The following ZBTB43 variants were observed in gnomAD, a reference collection of about 807,000 sequenced individuals.
The protein encoded by ZBTB43 is zinc finger and BTB domain-containing protein 43.
Under a neutral mutation model 31.1 loss-of-function variants are expected in ZBTB43, and 6 were observed. The ratio of observed to expected loss-of-function variants is 0.19; its 90% CI spans 0.11 to 0.38. The LOEUF (loss-of-function observed/expected upper bound fraction) is 0.38. Among genes scored for constraint, ZBTB43 ranks in the 10% least tolerant of loss-of-function variants. ZBTB43 has a pLI of 1.00. For missense variants in ZBTB43, 379 were observed against 602.1 expected (o/e 0.63, Z 3.88); for synonymous variants, 212 against 221.7 (o/e 0.96, Z 0.39).
chr9:126,832,918 G>A lies in ZBTB43; in HGVS notation c.409G>A (p.Gly137Ser). Reference protein sequence around the residue: ...PTVLCQKLNHGSDHQSPSSSS... With the variant: ...PTVLCQKLNHSSDHQSPSSSS... ...AGTCCTTTGTCAGAAGCTAAATCAT[G>A]GCAGTGACCACCAGTCACCAAGCAG... is the stretch of plus-strand genomic sequence containing the variant. Residue 137 changes from glycine (G) to serine (S), a missense_variant, in exon 3 of 3, where the codon GGC (glycine) becomes AGC (serine). By Grantham distance (56) the Gly-to-Ser change is moderately conservative. Transcript: ENST00000373464. 6.2e-7 allele frequency: 1 copy of A among 1,613,874 alleles called. No individual in the cohort carries two copies. The highest frequency in any genetic ancestry group is 8.5e-7 in the Non-Finnish European group (1 of 1,180,026).
intron 2 of ZBTB43, chr9:126,831,794 T>C (rs1306473531): frequency 2.0e-5 from 3 of 146,994 alleles, no homozygotes; most frequent in Admixed American, 2.0e-4. Flanking sequence ...CTACTAAAAA[T>C]ACAAAAAAAA....
chr9:126,817,486 T>C (rs1157690587), intron 2 of ZBTB43, among the ~76,000 whole-genome samples: 1 of 150,626 alleles, frequency 6.6e-6, no homozygotes, highest in Non-Finnish European at 1.5e-5. Flanking sequence ...AGTTTTTTTT[T>C]TTTTTTTGAG....
rs544786077 is a variant in ZBTB43 at position 126,835,196 on chromosome 9, A to G, written c.*1283A>G. 1 of 167,192 alleles carries G rather than the reference A, an allele frequency of 6.0e-6. No individual in the cohort carries two copies. The highest frequency in any genetic ancestry group is 2.4e-5 in the African/African-American group (1 of 41,582). The allele number at this position is 167,192 out of a possible 1,614,324, so 10.4% of individuals were successfully genotyped here. ...ATAGATAAAGCTGCTTAAACTTAAA[A>G]GTCCACAAAGCTACGCCGACCAGAA... On this transcript the variant is annotated 3_prime_UTR_variant, in exon 3 of 3. Transcript: ENST00000373464.
intron 2 of ZBTB43, among the ~76,000 whole-genome samples, chr9:126,824,857 G>A (rs964028906): frequency 2.6e-5 from 4 of 152,142 alleles, no homozygotes; most frequent in African/African-American, 9.7e-5. Context: ...TTGTTTTTCA[G>A]CCCTTTTCTG....
chr9:126,814,328 GTAAATTTTACATCTGTAAAAAT>G (rs2032323722), intron 2 of ZBTB43, among the ~76,000 whole-genome samples: 36 of 4,982 alleles, frequency 7.2e-3, no homozygotes, highest in Admixed American at 0.015. Flanking sequence ...TCTGTAAAAT[GTAAATTTTACATCTGTAAAAAT>G]TTTACAGATG....
intron 2 of ZBTB43, among the ~76,000 whole-genome samples, chr9:126,812,548 A>G (rs1588352934): frequency 6.6e-6 from 1 of 152,208 alleles, no homozygotes; most frequent in South Asian, 2.1e-4. Flanking sequence ...TATGGAGGTT[A>G]TAATACCTAC....
intron 2 of ZBTB43, among the ~76,000 whole-genome samples, chr9:126,823,408 A>G (rs781163137): frequency 4.6e-5 from 7 of 152,196 alleles, no homozygotes; most frequent in Non-Finnish European, 7.3e-5. Flanking sequence ...ATCATTTCTA[A>G]TAATATAGCC....
At chr9:126,813,961 G>A (rs1180773798) in intron 2 of ZBTB43, among the ~76,000 whole-genome samples, 2 of 152,088 alleles carry the variant, frequency 1.3e-5, no homozygotes, top group Non-Finnish European at 2.9e-5. Flanking sequence ...GATGTTCTCT[G>A]TAGCCACGTA....
At chr9:126,809,260 A>G (rs748121643) in intron 2 of ZBTB43, among the ~76,000 whole-genome samples, 6 of 152,206 alleles carry the variant, frequency 3.9e-5, no homozygotes, top group South Asian at 2.1e-4. Flanking sequence ...CAGTTTACTC[A>G]TATTTCAAAA....
At position 126,836,599 on chromosome 9, in the gene ZBTB43, G is replaced by A. The variant is rs1462111044; in HGVS notation, c.*2686G>A. The A allele has an allele frequency of 1.9e-4, 32 of 167,052 alleles. No individual in the cohort carries two copies. In the Admixed American group the frequency reaches 2.1e-3, roughly 11 times the overall value. The allele number at this position is 167,052 out of a possible 1,614,324, so 10.3% of individuals were successfully genotyped here. A position where few individuals can be genotyped will look rare whatever the true frequency, so the allele number is the denominator to read the frequency against. On this transcript the variant is annotated 3_prime_UTR_variant, in exon 3 of 3. Coordinates refer to ENST00000373464, the MANE Select transcript of ZBTB43 (RefSeq NM_014007.4). ...ATCCCCACGTTGAGTTGGAGGAATAGTCTCTTCTCTTCACCTCAATATAGC... is the reference window on the plus strand; with the variant it reads ...ATCCCCACGTTGAGTTGGAGGAATAATCTCTTCTCTTCACCTCAATATAGC...
At chr9:126,827,391 C>T (rs2032664918) in intron 2 of ZBTB43, among the ~76,000 whole-genome samples, 1 of 152,218 alleles carries the variant, frequency 6.6e-6, no homozygotes, top group Non-Finnish European at 1.5e-5. Flanking sequence ...CCACCCCCTC[C>T]TCTTGTATGA....
intron 2 of ZBTB43, among the ~76,000 whole-genome samples, chr9:126,811,331 A>T (rs1165220581): frequency 1.3e-5 from 2 of 151,904 alleles, no homozygotes; most frequent in Admixed American, 1.3e-4. Context: ...ACTGCTTACC[A>T]GTTATATGAC....
intron 2 of ZBTB43, among the ~76,000 whole-genome samples, chr9:126,827,833 C>A (rs185073665): frequency 1.3e-5 from 2 of 152,128 alleles, no homozygotes; most frequent in East Asian, 3.9e-4. Context: ...CATGGTGAAA[C>A]CCCATCTACA....
chr9:126,837,743 T>C lies in ZBTB43; in HGVS notation c.*3830T>C, dbSNP rs1341403912. On this transcript the variant is annotated 3_prime_UTR_variant, in exon 3 of 3. Coordinates refer to ENST00000373464, the MANE Select transcript of ZBTB43 (RefSeq NM_014007.4). ...AGGGTTTGTTTGGGGTTTTTTTCTT[T>C]GCTACTTACATATTTAAAGGTACAA... The C allele has an allele frequency of 6.0e-6, 1 of 167,108 alleles. No individual in the cohort carries two copies. Among genetic ancestry groups the C allele is most frequent in the East Asian group, 1.9e-4 (1 of 5,208 alleles). The allele number at this position is 167,108 out of a possible 1,614,324, so 10.4% of individuals were successfully genotyped here. A position where few individuals can be genotyped will look rare whatever the true frequency, so the allele number is the denominator to read the frequency against.
Position 126,808,018 on chromosome 9 carries a change from AT to A in ZBTB43, c.-146-774del, listed in dbSNP as rs375979661. Among the ~76,000 whole-genome samples the A allele has an allele frequency of 2.5e-3, 380 of 152,276 alleles. 1 individual carries two copies. The highest frequency in any genetic ancestry group is 8.8e-3 in the African/African-American group (365 of 41,548). On this transcript the variant is annotated intron_variant, in intron 1 of 2. Coordinates refer to ENST00000373464, the MANE Select transcript of ZBTB43 (RefSeq NM_014007.4). ...TTATTTGTAACATATTGAGGAAAAA[AT>A]ATTTTTTAAAATTTGTCGATATGTT...
At chr9:126,827,247 A>G (rs2032661742) in intron 2 of ZBTB43, among the ~76,000 whole-genome samples, 1 of 152,188 alleles carries the variant, frequency 6.6e-6, no homozygotes, top group Admixed American at 6.5e-5. Context: ...ATGTAGGTGT[A>G]GGTGTTTTAA....
intron 2 of ZBTB43, among the ~76,000 whole-genome samples, chr9:126,820,340 G>A (rs2032482594): frequency 2.0e-5 from 3 of 152,196 alleles, no homozygotes; most frequent in Admixed American, 2.0e-4. Flanking sequence ...TTAAGTTGAG[G>A]CCACTGCTCA....
rs1026044246 is a variant in ZBTB43 at position 126,833,301 on chromosome 9, C to T, written c.792C>T (p.Tyr264=). The T allele has an allele frequency of 9.9e-6, 16 of 1,613,054 alleles. No homozygotes were observed. The highest frequency in any genetic ancestry group is 1.4e-5 in the Non-Finnish European group (16 of 1,179,564). ...AGGGCATGGATGTGCACGCGACCTA[C>T]GACGAGCACCAGGTCACAGAGTCCA... ...ACEGMDVHAT[Y]DEHQVTESIN... The change falls in exon 3 of 3, where the codon TAC becomes TAT. Residue 264 remains tyrosine (Y), a synonymous_variant. Transcript: ENST00000373464. The surrounding 1 kb of genome is among the most constrained non-coding windows in gnomAD (Gnocchi z 7.9).
chr9:126,826,286 A>G (rs2032634148), intron 2 of ZBTB43, among the ~76,000 whole-genome samples: 1 of 151,768 alleles, frequency 6.6e-6, no homozygotes, highest in Non-Finnish European at 1.5e-5. Flanking sequence ...TGCTGGGATT[A>G]CAGGCATGAG....
Sources: allele counts gnomAD v4.1 joint callset (sites outside exome capture counted in the v4.1 genomes callset), GRCh38; gene constraint gnomAD v4.1.1; non-coding constraint Gnocchi (gnomAD v3.1); transcripts MANE v1.5; gene names NCBI Gene and HGNC (gene_info 2026-07-23, HGNC 2026-07-21).